The following ERG variants were observed in gnomAD, a reference collection of about 807,000 sequenced individuals.
The protein encoded by ERG is transcriptional regulator ERG.
ERG carries 9 observed loss-of-function variants against 55.3 expected under a neutral mutation model. The observed-to-expected ratio is 0.16, with a 90% CI of 0.10 to 0.28. ERG has a LOEUF of 0.28. Among genes scored for constraint, ERG ranks in the 10% least tolerant of loss-of-function variants. The pLI, the probability that ERG is intolerant of heterozygous loss-of-function variation, is 1.00. For synonymous variants in ERG, 223 were observed against 237.3 expected, an observed-to-expected ratio of 0.94 and a Z score of 0.55; for missense variants, 434 against 631.6, an observed-to-expected ratio of 0.69 and a Z score of 3.35.
At chr21:38,601,588 T>C (rs2060164850) in intron 1 of ERG, among the ~76,000 whole-genome samples, 2 of 152,184 alleles carry the variant, frequency 1.3e-5, no homozygotes, top group Admixed American at 6.5e-5. Flanking sequence ...GAATTTTCCC[T>C]GTTTGAATTC....
intron 1 of ERG, among the ~76,000 whole-genome samples, chr21:38,579,299 T>G (rs998794652): frequency 6.6e-6 from 1 of 152,190 alleles, no homozygotes; most frequent in African/African-American, 2.4e-5. Context: ...TGGGGAAGTT[T>G]TGAGTACTCA....
chr21:38,487,995 A>C (rs1170739704), intron 1 of ERG, among the ~76,000 whole-genome samples: 1 of 152,160 alleles, frequency 6.6e-6, no homozygotes, highest in Admixed American at 6.5e-5. Flanking sequence ...GCATCTCACC[A>C]TGTCTGGCAG....
At chr21:38,372,210 C>T in the ERG span, among the ~76,000 whole-genome samples, 1 of 152,028 alleles carries the variant, frequency 6.6e-6, no homozygotes, top group Middle Eastern at 3.4e-3. Context: ...TTAATATTAT[C>T]TGTCTTTTCT....
At chr21:38,627,938 C>T (rs467138) in intron 1 of ERG, among the ~76,000 whole-genome samples, 29,107 of 139,284 alleles carry the variant, frequency 0.21, 4,365 homozygotes, top group African/African-American at 0.41. Context: ...AAGGAGTTTT[C>T]TCTTCTTTTT....
chr21:38,378,399 A>G (rs1274962568), downstream of ERG, among the ~76,000 whole-genome samples: 1 of 152,176 alleles, frequency 6.6e-6, no homozygotes, highest in Non-Finnish European at 1.5e-5. Context: ...CAACTTCTAA[A>G]AAGCTTTCTC....
chr21:38,639,158 G>T (rs1340921348), intron 1 of ERG, among the ~76,000 whole-genome samples: 1 of 152,064 alleles, frequency 6.6e-6, no homozygotes, highest in Non-Finnish European at 1.5e-5. Context: ...ACATAGTCAG[G>T]TGCTGATACC....
At chr21:38,540,039 G>T (rs2059741138) in intron 2 of ERG, among the ~76,000 whole-genome samples, 1 of 151,594 alleles carries the variant, frequency 6.6e-6, no homozygotes, top group Non-Finnish European at 1.5e-5. Flanking sequence ...TGAAATTACA[G>T]GCACACACCA....
chr21:38,649,761 G>A (rs1288175893), intron 1 of ERG, among the ~76,000 whole-genome samples: 2 of 152,178 alleles, frequency 1.3e-5, no homozygotes, highest in Admixed American at 1.3e-4. Flanking sequence ...CTTATAGGAC[G>A]AAACAAGATT....
chr21:38,495,209 A>G (rs1361029622), intron 1 of ERG, among the ~76,000 whole-genome samples: 1 of 152,248 alleles, frequency 6.6e-6, no homozygotes, highest in East Asian at 1.9e-4. Flanking sequence ...TTTCCCTCAC[A>G]TGTGATAGCA....
At chr21:38,458,423 CAA>C (rs35307490) in intron 1 of ERG, among the ~76,000 whole-genome samples, 15,054 of 83,360 alleles carry the variant, frequency 0.18, 711 homozygotes, top group South Asian at 0.28. Flanking sequence ...GACTCTGGCT[CAA>C]AAAAAAAAAA....
chr21:38,639,379 T>C (rs77363024), intron 1 of ERG, among the ~76,000 whole-genome samples: 1 of 150,016 alleles, frequency 6.7e-6, no homozygotes, highest in Admixed American at 6.6e-5. Flanking sequence ...AAAAAAAAAC[T>C]ATCATTAAGA....
the ERG span, among the ~76,000 whole-genome samples, chr21:38,369,052 T>C: frequency 1.3e-5 from 2 of 152,244 alleles, no homozygotes; most frequent in African/African-American, 4.8e-5. Context: ...GCCTTTGCTA[T>C]TGTGAATAGT....
At chr21:38,451,593 T>C (rs2058942442) in intron 1 of ERG, among the ~76,000 whole-genome samples, 1 of 152,220 alleles carries the variant, frequency 6.6e-6, no homozygotes, top group African/African-American at 2.4e-5. Flanking sequence ...TGTCGCAGGC[T>C]CTATTGTTTA....
chr21:38,564,489 T>C (rs528693644), intron 2 of ERG, among the ~76,000 whole-genome samples: 44 of 152,274 alleles, frequency 2.9e-4, no homozygotes, highest in African/African-American at 9.4e-4. Context: ...ATCATTAAAA[T>C]ATAATGTATA....
chr21:38,420,334 G>C (rs1989487195), intron 3 of ERG, among the ~76,000 whole-genome samples: 1 of 152,130 alleles, frequency 6.6e-6, no homozygotes, highest in East Asian at 1.9e-4. Flanking sequence ...ATCTCTGTGT[G>C]TGTATGAGCA....
intron 1 of ERG, among the ~76,000 whole-genome samples, chr21:38,632,871 C>A (rs1289210662): frequency 6.6e-6 from 1 of 152,132 alleles, no homozygotes; most frequent in Non-Finnish European, 1.5e-5. Flanking sequence ...GCTGTGTGGT[C>A]CAGAAATCCC....
intron 1 of ERG, among the ~76,000 whole-genome samples, chr21:38,657,201 T>C (rs1231748100): frequency 6.6e-6 from 1 of 152,232 alleles, no homozygotes; most frequent in Non-Finnish European, 1.5e-5. Flanking sequence ...CATATAGCCA[T>C]TCTGAATAGG....
intron 9 of ERG, among the ~76,000 whole-genome samples, chr21:38,385,742 T>C (rs1477384170): frequency 6.6e-6 from 1 of 152,212 alleles, no homozygotes; most frequent in East Asian, 1.9e-4. Flanking sequence ...GCCTCCAACA[T>C]TTTATTAATA....
intron 1 of ERG, among the ~76,000 whole-genome samples, chr21:38,452,251 A>G (rs566551885): frequency 2.0e-5 from 3 of 152,360 alleles, no homozygotes; most frequent in Admixed American, 1.3e-4. Context: ...GCACATACAG[A>G]TATACAAACA....
Sources: gnomAD v4.1 joint callset for allele counts (sites outside exome capture counted in the v4.1 genomes callset) on GRCh38, gnomAD v4.1.1 for gene constraint, MANE v1.5 for transcripts, NCBI Gene and HGNC (gene_info 2026-07-23, HGNC 2026-07-21) for gene names.